Variants in PCDH15 observed in about 807,000 individuals in gnomAD.
PCDH15 encodes the protein protocadherin-15.
In PCDH15, 129 loss-of-function variants were observed where a neutral mutation model predicts 178.5. The ratio of observed to expected loss-of-function variants is 0.72; its 90% CI spans 0.63 to 0.84. PCDH15 has a LOEUF of 0.84. Ranked by LOEUF, PCDH15 falls within the 40% of genes least tolerant of loss-of-function variation. PCDH15 has a pLI of 0.00. For synonymous variants in PCDH15, 800 were observed against 732.0 expected (o/e 1.09, Z -1.50); for missense variants, 2,230 against 2,099.9 (o/e 1.06, Z -1.21).
chr10:54,838,149 G>T (rs1202044494), intron 3 of PCDH15, among the ~76,000 whole-genome samples: 1 of 151,972 alleles, frequency 6.6e-6, no homozygotes, highest in Non-Finnish European at 1.5e-5. Context: ...TCCAGCCCCT[G>T]CCAGCTAGAG....
At chr10:55,374,286 G>C (rs1266988237) in intron 2 of PCDH15, among the ~76,000 whole-genome samples, 1 of 152,052 alleles carries the variant, frequency 6.6e-6, no homozygotes, top group Non-Finnish European at 1.5e-5. Context: ...AGAGGGATGT[G>C]TGCAGGCCAA....
chr10:54,365,387 G>C (rs1205768496), intron 5 of PCDH15, among the ~76,000 whole-genome samples: 1 of 151,956 alleles, frequency 6.6e-6, no homozygotes, highest in Non-Finnish European at 1.5e-5. Context: ...ATATACTATA[G>C]GTAACCCATG....
At chr10:55,610,856 T>C (rs371137414) in intron 2 of PCDH15, among the ~76,000 whole-genome samples, 5 of 152,028 alleles carry the variant, frequency 3.3e-5, no homozygotes, top group South Asian at 2.1e-4. Context: ...AATGGAACAA[T>C]TGGGTGGTTG....
intron 18 of PCDH15, among the ~76,000 whole-genome samples, chr10:54,045,517 A>G (rs1049183436): frequency 5.3e-5 from 8 of 152,134 alleles, no homozygotes; most frequent in African/African-American, 1.9e-4. Flanking sequence ...TATAATTGAG[A>G]CAGTGTGCTA....
chr10:54,263,343 A>C (rs2057458903), intron 8 of PCDH15, among the ~76,000 whole-genome samples: 1 of 152,190 alleles, frequency 6.6e-6, no homozygotes, highest in Admixed American at 6.5e-5. Flanking sequence ...GTCACCACCA[A>C]GGCCCAGAAC....
chr10:54,494,756 A>G (rs2079952456), intron 3 of PCDH15, among the ~76,000 whole-genome samples: 1 of 152,074 alleles, frequency 6.6e-6, no homozygotes, highest in Admixed American at 6.6e-5. Context: ...ATTCTTTTGA[A>G]TAGGGTCTCT....
At chr10:54,612,328 C>A (rs1286433630) in intron 2 of PCDH15, among the ~76,000 whole-genome samples, 1 of 151,810 alleles carries the variant, frequency 6.6e-6, no homozygotes, top group Admixed American at 6.6e-5. Context: ...TAACAATTGG[C>A]ACTACACAGA....
intron 3 of PCDH15, among the ~76,000 whole-genome samples, chr10:54,858,445 C>A (rs1591746951): frequency 6.6e-6 from 1 of 152,062 alleles, no homozygotes. Context: ...ATATAGTGCC[C>A]TAATTTGCAA....
At chr10:55,311,199 A>G (rs1012227260) in intron 1 of PCDH15, among the ~76,000 whole-genome samples, 1 of 152,212 alleles carries the variant, frequency 6.6e-6, no homozygotes, top group African/African-American at 2.4e-5. Flanking sequence ...CCTCAGTAAC[A>G]TAAAATTTGG....
At chr10:54,634,942 T>G (rs2093807689) in intron 2 of PCDH15, among the ~76,000 whole-genome samples, 2 of 151,718 alleles carry the variant, frequency 1.3e-5, no homozygotes, top group Non-Finnish European at 2.9e-5. Flanking sequence ...ATTTTCTAAG[T>G]GTACACGGCC....
chr10:55,241,779 TCTA>T (rs1376942511), intron 1 of PCDH15, among the ~76,000 whole-genome samples: 2 of 152,166 alleles, frequency 1.3e-5, no homozygotes, highest in Non-Finnish European at 2.9e-5. Flanking sequence ...ATTGCCTCCT[TCTA>T]CTTCATTTTC....
At chr10:54,307,785 T>C (rs886851081) in intron 8 of PCDH15, among the ~76,000 whole-genome samples, 4 of 152,004 alleles carry the variant, frequency 2.6e-5, no homozygotes, top group African/African-American at 9.7e-5. Context: ...TCAGAATAAA[T>C]TAGGTCCTAT....
intron 1 of PCDH15, among the ~76,000 whole-genome samples, chr10:54,731,321 C>A (rs768757276): frequency 2.2e-4 from 33 of 150,412 alleles, no homozygotes; most frequent in Non-Finnish European, 4.0e-4. Flanking sequence ...GGTAGGAATG[C>A]AAATTAGTGC....
intron 26 of PCDH15, among the ~76,000 whole-genome samples, chr10:53,869,297 T>G (rs1471605909): frequency 2.6e-5 from 4 of 152,166 alleles, no homozygotes. Flanking sequence ...ATCAAAATTT[T>G]TTGTACTTAA....
At chr10:54,483,183 C>G (rs938232283) in intron 3 of PCDH15, among the ~76,000 whole-genome samples, 3 of 151,724 alleles carry the variant, frequency 2.0e-5, no homozygotes, top group African/African-American at 7.3e-5. Context: ...TTATTCTTGA[C>G]TGAGTTACAG....
chr10:55,400,430 A>G (rs1838034576), intron 2 of PCDH15, among the ~76,000 whole-genome samples: 1 of 152,174 alleles, frequency 6.6e-6, no homozygotes, highest in Non-Finnish European at 1.5e-5. Context: ...CCTAGCATGC[A>G]TTCTAACAGA....
intron 3 of PCDH15, among the ~76,000 whole-genome samples, chr10:54,840,142 C>A (rs1256301701): frequency 2.0e-5 from 3 of 151,996 alleles, no homozygotes; most frequent in Non-Finnish European, 4.4e-5. Context: ...GTTAAATAGA[C>A]AGGCAAATTC....
At chr10:54,283,366 A>G (rs1164848104) in intron 8 of PCDH15, among the ~76,000 whole-genome samples, 1 of 152,158 alleles carries the variant, frequency 6.6e-6, no homozygotes, top group African/African-American at 2.4e-5. Context: ...TAATTTAACC[A>G]TATTTACTAG....
intron 1 of PCDH15, among the ~76,000 whole-genome samples, chr10:54,678,688 T>C (rs750034986): frequency 6.6e-6 from 1 of 152,188 alleles, no homozygotes; most frequent in South Asian, 2.1e-4. Flanking sequence ...GTTACCACCT[T>C]CAAGATCATC....
Sources: allele counts gnomAD v4.1 joint callset (sites outside exome capture counted in the v4.1 genomes callset), GRCh38; gene constraint gnomAD v4.1.1; transcripts MANE v1.5; gene names NCBI Gene and HGNC (gene_info 2026-07-23, HGNC 2026-07-21).